The following FANCC variants were observed in gnomAD, a reference collection of about 807,000 sequenced individuals.
FANCC encodes Fanconi anemia group C protein.
Under a neutral mutation model 71.3 loss-of-function variants are expected in FANCC, and 55 were observed. The observed-to-expected ratio is 0.77, with a 90% CI of 0.62 to 0.97. The LOEUF (loss-of-function observed/expected upper bound fraction) is 0.97. Among genes scored for constraint, FANCC ranks in the 50% least tolerant of loss-of-function variants. The probability of loss-of-function intolerance (pLI) is 0.00; values close to 1 mark genes in which losing one functional copy is unlikely to be tolerated. For synonymous variants in FANCC, 275 were observed against 244.9 expected, an observed-to-expected ratio of 1.12 and a Z score of -1.15; for missense variants, 678 against 670.9, an observed-to-expected ratio of 1.01 and a Z score of -0.12.
chr9:95,169,124 G>C (rs1223066370), intron 6 of FANCC, among the ~76,000 whole-genome samples: 2 of 152,050 alleles, frequency 1.3e-5, no homozygotes, highest in Non-Finnish European at 2.9e-5. Flanking sequence ...TAAGTGAAAA[G>C]GTGAAAGTTT....
chr9:95,273,326 T>C (rs1367597725), intron 1 of FANCC, among the ~76,000 whole-genome samples: 1 of 152,208 alleles, frequency 6.6e-6, no homozygotes. Context: ...TTTAGGACTT[T>C]AATTACATAA....
intron 7 of FANCC, among the ~76,000 whole-genome samples, chr9:95,136,200 G>A (rs187256865): frequency 6.6e-6 from 1 of 151,966 alleles, no homozygotes; most frequent in Non-Finnish European, 1.5e-5. Flanking sequence ...AGACCAGCCT[G>A]GTCAAATAGT....
intron 4 of FANCC, among the ~76,000 whole-genome samples, chr9:95,194,639 T>G (rs1268948276): frequency 3.3e-5 from 5 of 152,180 alleles, no homozygotes; most frequent in African/African-American, 1.2e-4. Flanking sequence ...TTGCCATTTT[T>G]TTTTTGCTCA....
At chr9:95,135,928 G>C (rs1235248690) in intron 7 of FANCC, among the ~76,000 whole-genome samples, 3 of 152,184 alleles carry the variant, frequency 2.0e-5, no homozygotes, top group Non-Finnish European at 4.4e-5. Flanking sequence ...CCTACTAACT[G>C]TATGATCTCA....
chr9:95,207,550 T>C (rs955475071), intron 4 of FANCC, among the ~76,000 whole-genome samples: 3 of 152,098 alleles, frequency 2.0e-5, no homozygotes, highest in African/African-American at 7.2e-5. Context: ...AAACCAACTT[T>C]GAACTGTGCT....
intron 3 of FANCC, among the ~76,000 whole-genome samples, chr9:95,243,592 A>AGT (rs1830758358): frequency 6.6e-6 from 1 of 151,508 alleles, no homozygotes; most frequent in Non-Finnish European, 1.5e-5. Flanking sequence ...AGACCATCCT[A>AGT]GCTAACACGG....
At chr9:95,183,923 T>C (rs1826544694) in intron 4 of FANCC, among the ~76,000 whole-genome samples, 1 of 152,234 alleles carries the variant, frequency 6.6e-6, no homozygotes, top group Non-Finnish European at 1.5e-5. Flanking sequence ...TTCCATCCGA[T>C]ACACTCAATT....
At chr9:95,103,051 G>A (rs531143429) in intron 14 of FANCC, among the ~76,000 whole-genome samples, 33 of 152,230 alleles carry the variant, frequency 2.2e-4, no homozygotes, top group African/African-American at 6.7e-4. Context: ...GATGGCCTTC[G>A]GTAGATGCAG....
chr9:95,118,977 G>GT (rs2072654338), intron 10 of FANCC, among the ~76,000 whole-genome samples: 1 of 152,146 alleles, frequency 6.6e-6, no homozygotes, highest in Non-Finnish European at 1.5e-5. Flanking sequence ...GTTTAACATC[G>GT]TAAGGCCATA....
chr9:95,125,251 C>T, intron 9 of FANCC, 66 bp from the exon 10 acceptor site: 2 of 1,298,674 alleles, frequency 1.5e-6, no homozygotes, highest in South Asian at 2.4e-5. Context: ...AAAACCTGCA[C>T]TGTATAAGGG....
chr9:95,139,381 T>C (rs1828226638), intron 7 of FANCC, among the ~76,000 whole-genome samples: 1 of 152,086 alleles, frequency 6.6e-6, no homozygotes, highest in South Asian at 2.1e-4. Context: ...CTGAAGAAAA[T>C]GCAAGACACA....
At chr9:95,293,234 A>G (rs1834165498) in intron 1 of FANCC, 2 of 1,613,116 alleles carry the variant, frequency 1.2e-6, no homozygotes, top group South Asian at 1.1e-5. Context: ...ACCAAAGCCC[A>G]AAGTGGCTTT....
chr9:95,112,775 G>C lies in FANCC; in HGVS notation c.1155-1138C>G, dbSNP rs1054917443. 2.6e-5 allele frequency among the ~76,000 whole-genome samples: 4 copies of C among 152,336 alleles called. No individual in the cohort carries two copies. In the East Asian group the frequency reaches 7.7e-4, roughly 29 times the overall value. On this transcript the variant is annotated intron_variant, in intron 12 of 14. Transcript: ENST00000289081. ...CTTCCACCAGTAGCTGAATGCACAA[G>C]CAGTCCCATGTGGCCACCTGAAAGG...
chr9:95,171,520 A>G (rs1490155632), intron 5 of FANCC, among the ~76,000 whole-genome samples: 2 of 152,198 alleles, frequency 1.3e-5, no homozygotes, highest in African/African-American at 4.8e-5. Context: ...GTTAACAAAC[A>G]TTAAAAAATC....
At chr9:95,131,308 C>T (rs900907194) in intron 8 of FANCC, among the ~76,000 whole-genome samples, 2 of 152,198 alleles carry the variant, frequency 1.3e-5, no homozygotes, top group Non-Finnish European at 2.9e-5. Flanking sequence ...TCCAATTAGC[C>T]CGGGTAGCCC....
At chr9:95,311,791 C>T (rs374753782) in intron 1 of FANCC, among the ~76,000 whole-genome samples, 5 of 151,552 alleles carry the variant, frequency 3.3e-5, no homozygotes, top group Admixed American at 2.0e-4. Flanking sequence ...ACCAGAGTAA[C>T]AGATCTCAGA....
At chr9:95,190,561 G>A (rs547364563) in intron 4 of FANCC, among the ~76,000 whole-genome samples, 7 of 152,144 alleles carry the variant, frequency 4.6e-5, no homozygotes, top group Non-Finnish European at 1.0e-4. Context: ...GCTACAAACC[G>A]TGGGATCCAC....
At chr9:95,211,462 G>C (rs867820809) in intron 4 of FANCC, among the ~76,000 whole-genome samples, 8 of 152,052 alleles carry the variant, frequency 5.3e-5, no homozygotes, top group African/African-American at 1.9e-4. Flanking sequence ...ACTTGGCCTT[G>C]GTAAAATTAA....
chr9:95,260,024 TAA>T (rs1485058252), intron 1 of FANCC, among the ~76,000 whole-genome samples: 1 of 152,110 alleles, frequency 6.6e-6, no homozygotes, highest in Non-Finnish European at 1.5e-5. Flanking sequence ...TGGCGATCAT[TAA>T]AAAGTCAGGA....
Sources: gnomAD v4.1 joint callset for allele counts (sites outside exome capture counted in the v4.1 genomes callset) on GRCh38, gnomAD v4.1.1 for gene constraint, MANE v1.5 for transcripts, NCBI Gene and HGNC (gene_info 2026-07-23, HGNC 2026-07-21) for gene names.